The following LMAN2L variants were observed in gnomAD, a reference collection of about 807,000 sequenced individuals.
LMAN2L encodes VIP36-like protein.
In LMAN2L, 30 loss-of-function variants were observed where a neutral mutation model predicts 44.3. That is an observed-to-expected ratio of 0.68 (90% confidence interval 0.51 to 0.92). LMAN2L has a LOEUF of 0.92. LMAN2L is among the 40% of genes least tolerant of loss of function. The pLI is 0.00. For missense variants in LMAN2L, 429 were observed against 446.1 expected, an observed-to-expected ratio of 0.96 and a Z score of 0.35; for synonymous variants, 183 against 171.1, an observed-to-expected ratio of 1.07 and a Z score of -0.54.
chr2:96,715,671 C>A (rs1221807706), intron 4 of LMAN2L, among the ~76,000 whole-genome samples: 1 of 152,190 alleles, frequency 6.6e-6, no homozygotes, highest in Admixed American at 6.5e-5. Context: ...ACTTTTTGTA[C>A]TACAAGACTA....
Position 96,707,111 on chromosome 2 carries a change from C to G in LMAN2L, c.*145G>C. On this transcript the variant is annotated 3_prime_UTR_variant, in exon 8 of 8. Transcript: ENST00000264963. ...GCACAACCATGGGAATGCGGGGTCCCTGCATTCAAAACTCCAGTGACAGAA... is the reference window on the plus strand; with the variant it reads ...GCACAACCATGGGAATGCGGGGTCCGTGCATTCAAAACTCCAGTGACAGAA... 1 of 755,410 alleles carries G rather than the reference C, an allele frequency of 1.3e-6. No individual in the cohort carries two copies. The highest frequency in any genetic ancestry group is 2.1e-6 in the Non-Finnish European group (1 of 486,152). The allele number at this position is 755,410 out of a possible 1,614,324, so 46.8% of individuals were successfully genotyped here. A position where few individuals can be genotyped will look rare whatever the true frequency, so the allele number is the denominator to read the frequency against.
At position 96,737,930 on chromosome 2, in the gene LMAN2L, G is replaced by A; in HGVS notation, c.306+19C>T. 1.3e-6 allele frequency: 2 copies of A among 1,537,052 alleles called. No individual in the cohort carries two copies. Among genetic ancestry groups the A allele is most frequent in the Non-Finnish European group, 1.8e-6 (2 of 1,109,922 alleles). ...AGGCCTTTCTGGGTCACCAACACAGGAGGGAGAAAGATTCTTACCACCCGG... is the reference window on the plus strand; with the variant it reads ...AGGCCTTTCTGGGTCACCAACACAGAAGGGAGAAAGATTCTTACCACCCGG... On this transcript the variant is annotated intron_variant, in intron 2 of 7. Transcript: ENST00000264963.
At chr2:96,714,893 C>T (rs1207826129) in intron 4 of LMAN2L, among the ~76,000 whole-genome samples, 1 of 152,142 alleles carries the variant, frequency 6.6e-6, no homozygotes, top group East Asian at 1.9e-4. Context: ...ATGGGTCCCT[C>T]AGTCAAAGAG....
chr2:96,723,590 T>G (rs1209326199), intron 4 of LMAN2L, among the ~76,000 whole-genome samples: 1 of 152,244 alleles, frequency 6.6e-6, no homozygotes, highest in Non-Finnish European at 1.5e-5. Context: ...ATCTAACAAC[T>G]GCCTGATCCA....
chr2:96,734,058 T>C (rs1317390755), intron 3 of LMAN2L, among the ~76,000 whole-genome samples: 1 of 152,220 alleles, frequency 6.6e-6, no homozygotes, highest in Admixed American at 6.5e-5. Flanking sequence ...ATAACTCTTC[T>C]CTTGACTCAG....
At chr2:96,727,502 C>A (rs996112536) in intron 4 of LMAN2L, among the ~76,000 whole-genome samples, 1 of 152,136 alleles carries the variant, frequency 6.6e-6, no homozygotes, top group African/African-American at 2.4e-5. Flanking sequence ...TGTGGTGGCG[C>A]ATGCCTGTGG....
intron 4 of LMAN2L, among the ~76,000 whole-genome samples, chr2:96,732,691 G>C (rs1222695996): frequency 6.6e-6 from 1 of 150,554 alleles, no homozygotes; most frequent in African/African-American, 2.4e-5. Context: ...AAAACTCTTA[G>C]GTCAGGTAAC....
At chr2:96,713,187 G>C (rs1440473405) in intron 4 of LMAN2L, 2 of 1,503,306 alleles carry the variant, frequency 1.3e-6, no homozygotes, top group East Asian at 4.9e-5. Context: ...GGGCACAGAA[G>C]ACAGGAGACC....
At chr2:96,729,680 G>T (rs1249191189) in intron 4 of LMAN2L, among the ~76,000 whole-genome samples, 1 of 151,258 alleles carries the variant, frequency 6.6e-6, no homozygotes, top group Non-Finnish European at 1.5e-5. Context: ...GGCTAATTTT[G>T]TATTTTTAGT....
intron 4 of LMAN2L, among the ~76,000 whole-genome samples, chr2:96,715,915 A>C (rs1053114517): frequency 2.0e-5 from 3 of 152,246 alleles, no homozygotes; most frequent in Admixed American, 2.0e-4. Context: ...TGTAAACAGA[A>C]CAATACAAAG....
chr2:96,739,412 A>C (rs2078587571), intron 1 of LMAN2L, among the ~76,000 whole-genome samples: 1 of 152,196 alleles, frequency 6.6e-6, no homozygotes, highest in Admixed American at 6.5e-5. Flanking sequence ...GCTGGAGAAG[A>C]GAAGGTGGTT....
rs759912713 is a variant in LMAN2L at position 96,734,421 on chromosome 2, G to A, written c.412C>T (p.Arg138Trp). 4.4e-6 allele frequency: 7 copies of A among 1,605,004 alleles called. No homozygotes were observed. Among genetic ancestry groups the A allele is most frequent in the Admixed American group, 3.3e-5 (2 of 59,980 alleles). ...DGLAIWYTKD[R>W]MQPGPVFGNM... ...AGGCTCCCAATACCTGGCTGCATCC[G>A]ATCCTTTGTGTACCAGATTGCCAAG... is the stretch of plus-strand genomic sequence containing the variant. The change falls in exon 3 of 8, where the codon CGG (arginine) becomes TGG (tryptophan). Residue 138 changes from arginine (R) to tryptophan (W), a missense_variant. Arg to Trp is a moderately radical substitution (Grantham distance 101). Transcript: ENST00000264963.
chr2:96,737,611 C>T (rs2078543236), intron 2 of LMAN2L, among the ~76,000 whole-genome samples: 1 of 152,182 alleles, frequency 6.6e-6, no homozygotes, highest in Non-Finnish European at 1.5e-5. Context: ...TATGATTGTG[C>T]CACTGCACTC....
At chr2:96,720,834 A>G (rs1353096194) in intron 4 of LMAN2L, among the ~76,000 whole-genome samples, 1 of 151,984 alleles carries the variant, frequency 6.6e-6, no homozygotes, top group African/African-American at 2.4e-5. Context: ...AGCTACTCGG[A>G]ATGCTGAGGC....
rs777734170 is a variant in LMAN2L at position 96,707,254 on chromosome 2, G to A, written c.*2C>T. 4 of 1,613,676 alleles carry A rather than the reference G, an allele frequency of 2.5e-6. No homozygotes were observed. Among genetic ancestry groups the A allele is most frequent in the Non-Finnish European group, 3.4e-6 (4 of 1,179,790 alleles). ...TCACAAAAGTGGTGGCAGCAGGAGGGCTCAGTAGAAGCGCTTTCGGCTCTG... is the reference window on the plus strand; with the variant it reads ...TCACAAAAGTGGTGGCAGCAGGAGGACTCAGTAGAAGCGCTTTCGGCTCTG... On this transcript the variant is annotated 3_prime_UTR_variant, in exon 8 of 8. Coordinates refer to ENST00000264963, the MANE Select transcript of LMAN2L (RefSeq NM_030805.4).
At chr2:96,726,384 T>G (rs912621421) in intron 4 of LMAN2L, among the ~76,000 whole-genome samples, 1 of 152,022 alleles carries the variant, frequency 6.6e-6, no homozygotes, top group East Asian at 1.9e-4. Context: ...CCTAGCTAGG[T>G]CCTCCAGTAC....
chr2:96,733,671 A>G, intron 3 of LMAN2L, 70 bp from the exon 4 acceptor site: 1 of 1,255,238 alleles, frequency 8.0e-7, no homozygotes, highest in South Asian at 1.2e-5. Context: ...ATATATCACT[A>G]TGATGGAGGA....
chr2:96,730,429 T>G (rs1442306806), intron 4 of LMAN2L, among the ~76,000 whole-genome samples: 2 of 152,138 alleles, frequency 1.3e-5, no homozygotes, highest in African/African-American at 4.8e-5. Context: ...ATGGTGAGCA[T>G]GAGTCACATA....
chr2:96,731,464 C>T (rs981507818), intron 4 of LMAN2L, among the ~76,000 whole-genome samples: 5 of 152,022 alleles, frequency 3.3e-5, no homozygotes, highest in Non-Finnish European at 7.4e-5. Context: ...TCCTGGCCAA[C>T]ATGGTGAAAC....
Sources: allele counts gnomAD v4.1 joint callset (sites outside exome capture counted in the v4.1 genomes callset), GRCh38; gene constraint gnomAD v4.1.1; transcripts MANE v1.5; gene names NCBI Gene and HGNC (gene_info 2026-07-23, HGNC 2026-07-21).